Variants in GALNTL6 observed in about 807,000 individuals in gnomAD.
GALNTL6 encodes polypeptide N-acetylgalactosaminyltransferase like 6.
A neutral mutation model predicts 73.7 loss-of-function variants in GALNTL6; 46 were observed. That is an observed-to-expected ratio of 0.62 (90% CI 0.49 to 0.80). GALNTL6 has a LOEUF of 0.80. Among genes scored for constraint, GALNTL6 ranks in the 30% least tolerant of loss-of-function variants. GALNTL6 has a pLI of 0.00. For missense variants in GALNTL6, 604 were observed against 755.0 expected, an observed-to-expected ratio of 0.80 and a Z score of 2.34; for synonymous variants, 259 against 263.7, an observed-to-expected ratio of 0.98 and a Z score of 0.17.
At chr4:173,033,346 G>A (rs1450513726) in intron 12 of GALNTL6, among the ~76,000 whole-genome samples, 1 of 143,578 alleles carries the variant, frequency 7.0e-6, no homozygotes, top group East Asian at 2.1e-4. Context: ...ACTGATGCAG[G>A]AAGACCAATT....
intron 2 of GALNTL6, among the ~76,000 whole-genome samples, chr4:172,064,731 T>A (rs1560907215): frequency 6.6e-6 from 1 of 152,128 alleles, no homozygotes. Flanking sequence ...ATCAGATGGG[T>A]TTATTCTCCC....
At chr4:172,305,065 T>C (rs570989711) in intron 3 of GALNTL6, among the ~76,000 whole-genome samples, 67 of 152,290 alleles carry the variant, frequency 4.4e-4, no homozygotes, top group Middle Eastern at 3.4e-3. Context: ...ATAGAATATT[T>C]CTAGCTGTTT....
intron 5 of GALNTL6, among the ~76,000 whole-genome samples, chr4:172,464,978 C>T (rs1334246497): frequency 6.6e-6 from 1 of 152,030 alleles, no homozygotes; most frequent in Non-Finnish European, 1.5e-5. Context: ...GAGGCATAGA[C>T]TTGGAATAAA....
intron 5 of GALNTL6, among the ~76,000 whole-genome samples, chr4:172,460,282 G>T (rs1732563861): frequency 6.6e-6 from 1 of 152,062 alleles, no homozygotes. Context: ...AGAAAACCTA[G>T]GCAATACCAT....
intron 8 of GALNTL6, among the ~76,000 whole-genome samples, chr4:172,901,993 C>T (rs2111241672): frequency 6.6e-6 from 1 of 152,272 alleles, no homozygotes; most frequent in Admixed American, 6.5e-5. Flanking sequence ...GATTAGCCAG[C>T]TGCAGGGGTT....
chr4:172,687,879 C>A (rs909426625), intron 5 of GALNTL6, among the ~76,000 whole-genome samples: 1 of 151,968 alleles, frequency 6.6e-6, no homozygotes, highest in African/African-American at 2.4e-5. Context: ...TCTTTAAAAG[C>A]AAAATGTATG....
At chr4:172,297,489 G>T (rs543020902) in intron 3 of GALNTL6, among the ~76,000 whole-genome samples, 58 of 152,188 alleles carry the variant, frequency 3.8e-4, no homozygotes, top group Non-Finnish European at 7.5e-4. Context: ...ATGGTTTTAG[G>T]TCTAACATAT....
chr4:172,067,617 A>T (rs541148818), intron 2 of GALNTL6, among the ~76,000 whole-genome samples: 1 of 110,328 alleles, frequency 9.1e-6, no homozygotes, highest in East Asian at 2.1e-4. Flanking sequence ...AAATATAGGA[A>T]TCATTTTAAT....
intron 9 of GALNTL6, among the ~76,000 whole-genome samples, chr4:172,934,920 C>T (rs770527894): frequency 1.3e-5 from 2 of 152,196 alleles, no homozygotes; most frequent in Non-Finnish European, 2.9e-5. Flanking sequence ...AAGCACTGTG[C>T]TGAAGGAGCA....
chr4:172,104,219 A>T (rs1408838858), intron 2 of GALNTL6, among the ~76,000 whole-genome samples: 1 of 152,166 alleles, frequency 6.6e-6, no homozygotes, highest in Non-Finnish European at 1.5e-5. Flanking sequence ...CTGGGATTAC[A>T]GGTGTGAGCC....
intron 7 of GALNTL6, among the ~76,000 whole-genome samples, chr4:172,877,695 A>G (rs1437405271): frequency 6.6e-6 from 1 of 151,768 alleles, no homozygotes; most frequent in South Asian, 2.1e-4. Flanking sequence ...TTTCCATTAA[A>G]TATTCAGAAA....
At chr4:172,582,881 T>C (rs1737247774) in intron 5 of GALNTL6, among the ~76,000 whole-genome samples, 1 of 152,114 alleles carries the variant, frequency 6.6e-6, no homozygotes, top group African/African-American at 2.4e-5. Flanking sequence ...TGAACATGCA[T>C]TAAAAAGTCT....
At chr4:172,748,599 G>A (rs1737244695) in intron 5 of GALNTL6, among the ~76,000 whole-genome samples, 1 of 152,132 alleles carries the variant, frequency 6.6e-6, no homozygotes, top group South Asian at 2.1e-4. Context: ...GGTTACCAGA[G>A]GCTGGGGTTA....
chr4:172,259,033 T>C (rs1435461530), intron 3 of GALNTL6, among the ~76,000 whole-genome samples: 1 of 151,286 alleles, frequency 6.6e-6, no homozygotes, highest in Non-Finnish European at 1.5e-5. Flanking sequence ...TTTTTGCAGT[T>C]GTGAAGTGAG....
intron 5 of GALNTL6, among the ~76,000 whole-genome samples, chr4:172,708,897 T>G (rs1278738398): frequency 6.6e-6 from 1 of 152,212 alleles, no homozygotes; most frequent in Non-Finnish European, 1.5e-5. Flanking sequence ...ATTTGTTATT[T>G]GAGATGCCTT....
chr4:172,727,974 G>A (rs571901255), intron 5 of GALNTL6, among the ~76,000 whole-genome samples: 392 of 151,770 alleles, frequency 2.6e-3, no homozygotes, highest in Non-Finnish European at 4.1e-3. Flanking sequence ...GTGCAGTGGC[G>A]GGATCTCAGC....
chr4:172,721,817 C>T (rs912122281), intron 5 of GALNTL6, among the ~76,000 whole-genome samples: 3 of 152,142 alleles, frequency 2.0e-5, no homozygotes, highest in Non-Finnish European at 2.9e-5. Flanking sequence ...CTCTACTTCT[C>T]GTTATGTCTA....
chr4:172,668,732 A>C (rs972571766), intron 5 of GALNTL6: 2 of 152,176 alleles, frequency 1.3e-5, no homozygotes, highest in Non-Finnish European at 2.9e-5. Context: ...AAGTAACAGA[A>C]AAAGAGCTCC....
At chr4:172,269,342 G>A (rs1738559539) in intron 3 of GALNTL6, among the ~76,000 whole-genome samples, 1 of 152,198 alleles carries the variant, frequency 6.6e-6, no homozygotes, top group African/African-American at 2.4e-5. Context: ...GGAATAAGGA[G>A]TGAGGGGACC....
Sources: gnomAD v4.1 joint callset for allele counts (sites outside exome capture counted in the v4.1 genomes callset) on GRCh38, gnomAD v4.1.1 for gene constraint, MANE v1.5 for transcripts, NCBI Gene and HGNC (gene_info 2026-07-23, HGNC 2026-07-21) for gene names.